The following HIP1 variants were observed in gnomAD, a reference collection of about 807,000 sequenced individuals.
HIP1 encodes the protein huntingtin-interacting protein 1.
A neutral mutation model predicts 147.6 loss-of-function variants in HIP1; 65 were observed. The ratio of observed to expected loss-of-function variants is 0.44; its 90% CI spans 0.36 to 0.54. The LOEUF (loss-of-function observed/expected upper bound fraction) is 0.54, where lower values mean the gene tolerates loss of function less well. HIP1 is among the 20% of genes least tolerant of loss of function. HIP1 has a pLI of 0.00. For missense variants in HIP1, 1,061 were observed against 1,299.6 expected (o/e 0.82, Z 2.82); for synonymous variants, 479 against 504.0 (o/e 0.95, Z 0.67).
At chr7:75,541,356 C>T (rs1554489826) in intron 29 of HIP1, among the ~76,000 whole-genome samples, 1 of 152,042 alleles carries the variant, frequency 6.6e-6, no homozygotes, top group East Asian at 1.9e-4. Context: ...CGGTGAAACC[C>T]TGTCTCTACT....
chr7:75,569,904 C>T (rs933377699), intron 8 of HIP1, among the ~76,000 whole-genome samples: 5 of 151,700 alleles, frequency 3.3e-5, no homozygotes, highest in South Asian at 4.2e-4. Flanking sequence ...AAAGGACATT[C>T]GGTAAAAACT....
chr7:75,534,485 G>A lies in HIP1; in HGVS notation c.*3687C>T, dbSNP rs1488120356. ...GTCTCACTCTGTGACCCAGGCTGGA[G>A]TGCAGTGGTGCGATCTTGGCTCACT... is the stretch of plus-strand genomic sequence containing the variant. On this transcript the variant is annotated 3_prime_UTR_variant, in exon 31 of 31. Coordinates refer to ENST00000336926, the MANE Select transcript of HIP1 (RefSeq NM_005338.7). 5.6e-6 allele frequency: 1 copy of A among 178,622 alleles called. No homozygotes were observed. Among genetic ancestry groups the A allele is most frequent in the African/African-American group, 2.4e-5 (1 of 41,818 alleles). The allele number at this position is 178,622 out of a possible 1,614,324, so 11.1% of individuals were successfully genotyped here. A position where few individuals can be genotyped will look rare whatever the true frequency, so the allele number is the denominator to read the frequency against.
At chr7:75,693,323 C>A (rs1347345356) in intron 1 of HIP1, among the ~76,000 whole-genome samples, 1 of 152,064 alleles carries the variant, frequency 6.6e-6, no homozygotes, top group Non-Finnish European at 1.5e-5. Flanking sequence ...CACAGACATT[C>A]TTTTCCCAAA....
chr7:75,596,634 C>T (rs587625842), intron 2 of HIP1, among the ~76,000 whole-genome samples: 1 of 152,310 alleles, frequency 6.6e-6, no homozygotes, highest in Admixed American at 6.5e-5. Flanking sequence ...CATCCATCCG[C>T]CTCCACCTTC....
chr7:75,558,693 A>C (rs1407256337), intron 14 of HIP1, among the ~76,000 whole-genome samples: 1 of 152,204 alleles, frequency 6.6e-6, no homozygotes, highest in African/African-American at 2.4e-5. Flanking sequence ...TTCTCCAGGA[A>C]GTCATCTTTA....
chr7:75,674,490 C>T (rs140886969), intron 1 of HIP1, among the ~76,000 whole-genome samples: 2 of 86,912 alleles, frequency 2.3e-5, no homozygotes, highest in African/African-American at 1.1e-4. Context: ...CTAAACTCTG[C>T]GGCTTTTTGT....
chr7:75,536,999 T>C lies in HIP1; in HGVS notation c.*1173A>G. 8.6e-6 allele frequency: 2 copies of C among 232,300 alleles called. No individual in the cohort carries two copies. Among genetic ancestry groups the C allele is most frequent in the South Asian group, 1.8e-4 (1 of 5,530 alleles). The allele number at this position is 232,300 out of a possible 1,614,324, so 14.4% of individuals were successfully genotyped here. On this transcript the variant is annotated 3_prime_UTR_variant, in exon 31 of 31. Transcript: ENST00000336926. ...TGCGTAGAAGGTGGAACGATCTTCC[T>C]ATTCAAGAGGATGCCAAGGCAGACG...
At chr7:75,681,237 G>A (rs1800054334) in intron 1 of HIP1, among the ~76,000 whole-genome samples, 1 of 152,024 alleles carries the variant, frequency 6.6e-6, no homozygotes, top group African/African-American at 2.4e-5. Flanking sequence ...TCTCAGCAGG[G>A]CACCAATGCC....
At chr7:75,595,664 G>T (rs1439137986) in intron 2 of HIP1, among the ~76,000 whole-genome samples, 1 of 152,000 alleles carries the variant, frequency 6.6e-6, no homozygotes, top group Admixed American at 6.6e-5. Flanking sequence ...AGCGATTTCT[G>T]AAATAATTCA....
At chr7:75,581,641 T>C (rs41281102) in intron 6 of HIP1, among the ~76,000 whole-genome samples, 3,485 of 152,222 alleles carry the variant, frequency 0.023, 65 homozygotes, top group Non-Finnish European at 0.034. Context: ...TAGCTGGGTG[T>C]GATGGCGCAT....
rs1379583809 is a variant in HIP1, at chr7:75,533,655, C to A, written c.*4517G>T. Reference sequence around the variant, plus strand: ...ATCAGTTTCATTTAGGGCCTTCAAACCTGAGGTAGTTGAGGGTCACCTGAA... The same window carrying A: ...ATCAGTTTCATTTAGGGCCTTCAAAACTGAGGTAGTTGAGGGTCACCTGAA... On this transcript the variant is annotated 3_prime_UTR_variant, in exon 31 of 31. Coordinates refer to ENST00000336926, the MANE Select transcript of HIP1 (RefSeq NM_005338.7). The A allele has an allele frequency of 4.3e-6, 1 of 232,580 alleles. No homozygotes were observed. Among genetic ancestry groups the A allele is most frequent in the African/African-American group, 2.2e-5 (1 of 45,310 alleles). 14.4% of individuals were successfully genotyped at this position (232,580 alleles called of 1,614,324 possible). A position where few individuals can be genotyped will look rare whatever the true frequency, so the allele number is the denominator to read the frequency against.
At chr7:75,668,257 G>T (rs546413674) in intron 1 of HIP1, among the ~76,000 whole-genome samples, 1 of 152,192 alleles carries the variant, frequency 6.6e-6, no homozygotes, top group Non-Finnish European at 1.5e-5. Flanking sequence ...GTCGGGGAGT[G>T]TCCCTCCTCC....
chr7:75,647,058 G>T (rs1049852791), intron 1 of HIP1, among the ~76,000 whole-genome samples: 4 of 151,818 alleles, frequency 2.6e-5, no homozygotes, highest in Admixed American at 6.6e-5. Context: ...TCTCACTCTG[G>T]TACCAACAAA....
chr7:75,686,232 C>T (rs1355905437), intron 1 of HIP1, among the ~76,000 whole-genome samples: 1 of 152,176 alleles, frequency 6.6e-6, no homozygotes, highest in African/African-American at 2.4e-5. Flanking sequence ...CTTTTATTGA[C>T]AAGGTTGTCA....
intron 1 of HIP1, among the ~76,000 whole-genome samples, chr7:75,708,824 G>T (rs1335102255): frequency 6.6e-6 from 1 of 151,980 alleles, no homozygotes; most frequent in Non-Finnish European, 1.5e-5. Flanking sequence ...TTTCTGGATG[G>T]TTTTGGCTAC....
rs587657670 is a variant in HIP1 at position 75,614,053 on chromosome 7, G to A, written c.121-14806C>T. Among the ~76,000 whole-genome samples, 6 of 152,236 alleles carry A rather than the reference G, an allele frequency of 3.9e-5. No homozygotes were observed. In the East Asian group the frequency reaches 1.2e-3, roughly 29 times the overall value. On this transcript the variant is annotated intron_variant, in intron 1 of 30. Coordinates refer to ENST00000336926, the MANE Select transcript of HIP1 (RefSeq NM_005338.7). ...TCTCAGCCTCCCAGATAGCTGAGAC[G>A]ACAGGTGTATGCCACCACACCTGGC...
At chr7:75,587,198 C>T (rs587641823) in intron 4 of HIP1, among the ~76,000 whole-genome samples, 2 of 152,278 alleles carry the variant, frequency 1.3e-5, no homozygotes, top group Admixed American at 6.5e-5. Context: ...GCTTTGGCCT[C>T]CCAAAAGGCT....
intron 6 of HIP1, 78 bp from the exon 7 acceptor site, chr7:75,581,376 C>G: frequency 2.0e-6 from 2 of 1,019,166 alleles, no homozygotes; most frequent in Non-Finnish European, 3.0e-6. Context: ...CCACGCTCTA[C>G]GCTACTCCAG....
At chr7:75,566,661 C>T (rs1795413728) in intron 9 of HIP1, among the ~76,000 whole-genome samples, 1 of 151,206 alleles carries the variant, frequency 6.6e-6, no homozygotes, top group African/African-American at 2.5e-5. Context: ...GGTCCGATGC[C>T]CAAGCCCTGC....
Sources: allele counts gnomAD v4.1 joint callset (sites outside exome capture counted in the v4.1 genomes callset), GRCh38; gene constraint gnomAD v4.1.1; transcripts MANE v1.5; gene names NCBI Gene and HGNC (gene_info 2026-07-23, HGNC 2026-07-21).